Variants in ANKRD30A observed in about 807,000 individuals in gnomAD.
ANKRD30A encodes the protein ankyrin repeat domain 30A.
In ANKRD30A, 170 loss-of-function variants were observed where a neutral mutation model predicts 166.3. That is an observed-to-expected ratio of 1.02 (90% confidence interval 0.90 to 1.16). The LOEUF is 1.16. Ranked by LOEUF, ANKRD30A falls within the 50% of genes most tolerant of loss-of-function variation. The probability of loss-of-function intolerance (pLI) is 0.00; values close to 1 mark genes in which losing one functional copy is unlikely to be tolerated. For missense variants in ANKRD30A, 1,630 were observed against 1,518.0 expected (o/e 1.07, Z -1.23); for synonymous variants, 564 against 508.9 (o/e 1.11, Z -1.46).
chr10:37,132,604 G>C (rs1187501167), intron 4 of ANKRD30A, among the ~76,000 whole-genome samples: 1 of 152,126 alleles, frequency 6.6e-6, no homozygotes, highest in Non-Finnish European at 1.5e-5. Context: ...AAGTGGTTCT[G>C]TATTAGTTTT....
intron 8 of ANKRD30A, among the ~76,000 whole-genome samples, chr10:37,146,550 T>C (rs1837528419): frequency 6.6e-6 from 1 of 152,180 alleles, no homozygotes; most frequent in Non-Finnish European, 1.5e-5. Flanking sequence ...CACACAGATA[T>C]TCTTCTCTGC....
rs551256045 is a variant in ANKRD30A, at chr10:37,145,889, T to C, written c.1455+833T>C. ...TCAGGAGACAAACATGCATAAAGAATAGGAAACCAGTGGGACTATAATAAC... is the reference window on the plus strand; with the variant it reads ...TCAGGAGACAAACATGCATAAAGAACAGGAAACCAGTGGGACTATAATAAC... On this transcript the variant is annotated intron_variant, in intron 8 of 35. Coordinates refer to ENST00000361713, the MANE Select transcript of ANKRD30A (RefSeq NM_052997.3). Among the ~76,000 whole-genome samples the C allele has an allele frequency of 7.2e-5, 11 of 152,404 alleles. 1 individual carries two copies. In the East Asian group the frequency reaches 2.1e-3, roughly 29 times the overall value.
intron 5 of ANKRD30A, 68 bp downstream of exon 5, chr10:37,134,121 T>C: frequency 1.3e-6 from 2 of 1,562,906 alleles, no homozygotes; most frequent in South Asian, 2.3e-5. Context: ...TGAATTACAG[T>C]GAGTTCACTT....
At chr10:37,260,875 C>T in the ANKRD30A span, among the ~76,000 whole-genome samples, 1 of 151,836 alleles carries the variant, frequency 6.6e-6, no homozygotes, top group East Asian at 1.9e-4. Context: ...TAGATGGGAA[C>T]AATAGACACT....
At chr10:37,142,382 G>A (rs998727027) in intron 7 of ANKRD30A, 92 bp downstream of exon 7, 79 of 1,217,210 alleles carry the variant, frequency 6.5e-5, no homozygotes, top group Non-Finnish European at 8.7e-5. Context: ...GGAATGACTT[G>A]AATATCTAAA....
Position 37,142,046 on chromosome 10 carries a change from C to G in ANKRD30A, c.1149C>G (p.Ile383Met). 6.2e-7 allele frequency: 1 copy of G among 1,605,174 alleles called. No homozygotes were observed. Among genetic ancestry groups the G allele is most frequent in the East Asian group, 2.2e-5 (1 of 44,658 alleles). ...CAGCAAAAGGAAGACCTAGGAAGAT[C>G]GCATGGGAGAAAAAAGAAGACACAC... ...TWPAKGRPRKIAWEKKEDTPR... is the reference protein window; with the variant it reads ...TWPAKGRPRKMAWEKKEDTPR... Residue 383 changes from isoleucine to methionine, a missense_variant, in exon 7 of 36, where the codon ATC becomes ATG. Physicochemically the swap from Ile to Met is conservative, Grantham distance 10. Around this residue, in one of 4 missense-constraint regions of ANKRD30A, gnomAD observed 904 missense variants for 818.5 expected, o/e 1.10. Coordinates refer to ENST00000361713, the MANE Select transcript of ANKRD30A (RefSeq NM_052997.3).
chr10:37,131,995 A>G (rs1836406698), intron 3 of ANKRD30A, among the ~76,000 whole-genome samples: 1 of 152,216 alleles, frequency 6.6e-6, no homozygotes, highest in African/African-American at 2.4e-5. Flanking sequence ...TAGATGGGAA[A>G]CCATAAAATC....
intron 34 of ANKRD30A, among the ~76,000 whole-genome samples, chr10:37,231,234 C>A (rs1843399215): frequency 6.6e-6 from 1 of 151,058 alleles, no homozygotes; most frequent in African/African-American, 2.4e-5. Context: ...AAAAAAAAAA[C>A]TTTTTGTTAG....
intron 15 of ANKRD30A, among the ~76,000 whole-genome samples, chr10:37,160,977 G>A (rs1015492879): frequency 3.3e-5 from 5 of 152,108 alleles, no homozygotes; most frequent in Non-Finnish European, 5.9e-5. Flanking sequence ...ATGGTGACTG[G>A]GTGCGGTGGC....
At chr10:37,208,869 A>C (rs1173769764) in intron 31 of ANKRD30A, among the ~76,000 whole-genome samples, 1 of 152,186 alleles carries the variant, frequency 6.6e-6, no homozygotes, top group Non-Finnish European at 1.5e-5. Flanking sequence ...GAAAAAACAC[A>C]GGATATCAGC....
rs199969776 is a variant in ANKRD30A, at chr10:37,142,091, C to T, written c.1194C>T (p.Pro398=). The stretch of plus-strand genomic sequence containing the variant: ...ACACACCTAGGGAAATTATGAGTCC[C>T]GCAAAAGAAACATCTGAGAAATTTA... ...KEDTPREIMS[P]AKETSEKFTW... The change falls in exon 7 of 36, where the codon CCC becomes CCT. Residue 398 remains proline (P), a synonymous_variant. Coordinates refer to ENST00000361713, the MANE Select transcript of ANKRD30A (RefSeq NM_052997.3). 1.7e-5 allele frequency: 28 copies of T among 1,608,042 alleles called. No individual in the cohort carries two copies. Among genetic ancestry groups the T allele is most frequent in the Admixed American group, 5.1e-5 (3 of 59,404 alleles).
At chr10:37,207,549 A>G (rs946450652) in intron 31 of ANKRD30A, among the ~76,000 whole-genome samples, 1 of 150,578 alleles carries the variant, frequency 6.6e-6, no homozygotes, top group Non-Finnish European at 1.5e-5. Flanking sequence ...GTCACCTGGG[A>G]CTCTGCACAC....
chr10:37,165,024 T>G, intron 17 of ANKRD30A, 70 bp from the exon 18 acceptor site: 1 of 1,453,224 alleles, frequency 6.9e-7, no homozygotes, highest in Admixed American at 1.7e-5. Flanking sequence ...GAAAGTAGAT[T>G]TGTATATGTT....
chr10:37,192,387 G>A (rs574816497), intron 25 of ANKRD30A, among the ~76,000 whole-genome samples: 1 of 152,108 alleles, frequency 6.6e-6, no homozygotes, highest in Admixed American at 6.5e-5. Context: ...TTTTGTATAA[G>A]TGGATCAGGA....
At chr10:37,243,973 A>G in the ANKRD30A span, among the ~76,000 whole-genome samples, 1 of 152,110 alleles carries the variant, frequency 6.6e-6, no homozygotes, top group Non-Finnish European at 1.5e-5. Context: ...AGTCACAAAT[A>G]TGTCAGCCTC....
downstream of ANKRD30A, among the ~76,000 whole-genome samples, chr10:37,236,418 A>G (rs1192211522): frequency 1.3e-5 from 2 of 152,200 alleles, no homozygotes; most frequent in Non-Finnish European, 2.9e-5. Context: ...ACATGGCCAC[A>G]GGAGCAGGCA....
chr10:37,138,521 G>T (rs1836872420), intron 6 of ANKRD30A, among the ~76,000 whole-genome samples: 1 of 152,166 alleles, frequency 6.6e-6, no homozygotes, highest in Non-Finnish European at 1.5e-5. Flanking sequence ...CCAATGCAGA[G>T]AAGTCCTTAA....
intron 25 of ANKRD30A, among the ~76,000 whole-genome samples, chr10:37,189,816 G>A (rs1840381871): frequency 6.6e-6 from 1 of 150,934 alleles, no homozygotes; most frequent in Non-Finnish European, 1.5e-5. Context: ...TAAGAAAGAA[G>A]AAAGTAGTAA....
chr10:37,160,133 G>A (rs1252617314), intron 15 of ANKRD30A, among the ~76,000 whole-genome samples: 1 of 152,192 alleles, frequency 6.6e-6, no homozygotes, highest in Non-Finnish European at 1.5e-5. Context: ...AGTTTGCCAT[G>A]TTAATTCTAA....
Sources: allele counts gnomAD v4.1 joint callset (sites outside exome capture counted in the v4.1 genomes callset), GRCh38; gene constraint gnomAD v4.1.1; regional missense constraint gnomAD v4.1.1; transcripts MANE v1.5; gene names NCBI Gene and HGNC (gene_info 2026-07-23, HGNC 2026-07-21).